Variants in DYNC2I2 observed in about 807,000 individuals in gnomAD.
The protein encoded by DYNC2I2 is dynein 2 intermediate chain 2, also known as cytoplasmic dynein 2 intermediate chain 2.
DYNC2I2 carries 39 observed loss-of-function variants against 52.0 expected under a neutral mutation model. The ratio of observed to expected loss-of-function variants is 0.75; its 90% CI spans 0.58 to 0.98. DYNC2I2 has a LOEUF of 0.98. DYNC2I2 is among the 50% of genes least tolerant of loss of function. The pLI, the probability that DYNC2I2 is intolerant of heterozygous loss-of-function variation, is 0.00. For synonymous variants in DYNC2I2, 359 were observed against 321.1 expected, an observed-to-expected ratio of 1.12 and a Z score of -1.26; for missense variants, 743 against 728.4, an observed-to-expected ratio of 1.02 and a Z score of -0.23.
chr9:128,674,742 CA>C, the DYNC2I2 span, among the ~76,000 whole-genome samples: 1 of 151,540 alleles, frequency 6.6e-6, no homozygotes, highest in African/African-American at 2.4e-5. Context: ...GACTCCGTCT[CA>C]AAAAAAATAA....
At chr9:128,671,997 G>A in the DYNC2I2 span, among the ~76,000 whole-genome samples, 2 of 142,748 alleles carry the variant, frequency 1.4e-5, no homozygotes, top group African/African-American at 2.6e-5. Context: ...TTATTGAGAC[G>A]GAGTCTCGCT....
chr9:128,682,206 G>A, the DYNC2I2 span, among the ~76,000 whole-genome samples: 57 of 151,706 alleles, frequency 3.8e-4, 1 homozygote, highest in African/African-American at 1.3e-3. Context: ...CTGCAACCAC[G>A]CCCGGCTAAT....
At chr9:128,644,557 G>C (rs939018892) in intron 1 of DYNC2I2, among the ~76,000 whole-genome samples, 2 of 152,218 alleles carry the variant, frequency 1.3e-5, no homozygotes, top group South Asian at 4.1e-4. Flanking sequence ...GGGATTACAG[G>C]CGTGAGCCAC....
chr9:128,645,888 T>C (rs1235696579), intron 1 of DYNC2I2, among the ~76,000 whole-genome samples: 1 of 152,224 alleles, frequency 6.6e-6, no homozygotes, highest in East Asian at 1.9e-4. Flanking sequence ...AAACAGCTTA[T>C]TGCTGATAGG....
chr9:128,654,585 T>A (rs887023818), intron 1 of DYNC2I2, among the ~76,000 whole-genome samples: 2 of 151,720 alleles, frequency 1.3e-5, no homozygotes, highest in African/African-American at 2.4e-5. Context: ...AAAGTTAGGG[T>A]CTCATTCTGT....
chr9:128,648,689 A>G (rs1283730561), intron 1 of DYNC2I2, among the ~76,000 whole-genome samples: 1 of 151,718 alleles, frequency 6.6e-6, no homozygotes, highest in East Asian at 1.9e-4. Flanking sequence ...AATCACTGCT[A>G]CTAGGGTGGC....
At chr9:128,651,787 C>T (rs193135142) in intron 1 of DYNC2I2, among the ~76,000 whole-genome samples, 32 of 149,290 alleles carry the variant, frequency 2.1e-4, no homozygotes, top group Admixed American at 2.1e-3. Flanking sequence ...TGGTGGCAGG[C>T]GCCTGTAATC....
rs145333047 is a variant in DYNC2I2 at position 128,649,961 on chromosome 9, C to G, written c.186+6580G>C. 6.4e-4 allele frequency among the ~76,000 whole-genome samples: 36 copies of G among 56,510 alleles called. 11 individuals carry two copies. Among genetic ancestry groups the G allele is most frequent in the African/African-American group, 1.2e-3 (34 of 28,462 alleles). The allele number at this position is 56,510 out of a possible 152,430, so 37.1% of individuals were successfully genotyped here. A position where few individuals can be genotyped will look rare whatever the true frequency, so the allele number is the denominator to read the frequency against. On this transcript the variant is annotated intron_variant, in intron 1 of 8. Transcript: ENST00000372715. ...TGAGCTGAGATCGCGCCATTGCACTCCAGCCTGGGTGGCAGAGCGAGACTC... is the reference window on the plus strand; with the variant it reads ...TGAGCTGAGATCGCGCCATTGCACTGCAGCCTGGGTGGCAGAGCGAGACTC...
the DYNC2I2 span, among the ~76,000 whole-genome samples, chr9:128,680,506 T>C: frequency 2.0e-5 from 3 of 151,016 alleles, no homozygotes; most frequent in Non-Finnish European, 4.4e-5. Flanking sequence ...GCCTCCAGAG[T>C]AGCTGGGACT....
the DYNC2I2 span, among the ~76,000 whole-genome samples, chr9:128,664,511 G>C: frequency 6.6e-6 from 1 of 150,844 alleles, no homozygotes; most frequent in Non-Finnish European, 1.5e-5. Flanking sequence ...TTTAGACAGA[G>C]TCTTGCTCTG....
At chr9:128,681,382 C>T in the DYNC2I2 span, among the ~76,000 whole-genome samples, 7 of 152,238 alleles carry the variant, frequency 4.6e-5, no homozygotes, top group African/African-American at 1.4e-4. Flanking sequence ...TGAGCCACCT[C>T]GTCTGGCCCA....
upstream of DYNC2I2, among the ~76,000 whole-genome samples, chr9:128,657,876 G>A (rs1860862294): frequency 6.6e-6 from 1 of 152,126 alleles, no homozygotes; most frequent in South Asian, 2.1e-4. Flanking sequence ...GATCACTTGA[G>A]CCCAGGAGTT....
intron 1 of DYNC2I2, among the ~76,000 whole-genome samples, chr9:128,648,850 G>A (rs1860671092): frequency 6.6e-6 from 1 of 151,326 alleles, no homozygotes; most frequent in African/African-American, 2.4e-5. Flanking sequence ...GCTACAGCCA[G>A]TCCAGAAGAG....
upstream of DYNC2I2, among the ~76,000 whole-genome samples, chr9:128,658,721 A>ATTTTTT (rs746310535): frequency 5.5e-5 from 5 of 91,552 alleles, no homozygotes; most frequent in Non-Finnish European, 1.0e-4. Flanking sequence ...ACCTGACCTA[A>ATTTTTT]TTTTTTTTTT....
rs773197656 is a variant in DYNC2I2, at chr9:128,634,792, G to C, written c.1111C>G (p.Leu371Val). The C allele has an allele frequency of 1.9e-6, 3 of 1,611,964 alleles. No homozygotes were observed. In the African/African-American group the frequency reaches 4.0e-5, roughly 22 times the overall value. ...KCSLAAGEAALTRMPSSVPLR... is the reference protein window; with the variant it reads ...KCSLAAGEAAVTRMPSSVPLR... ...GGCACGGAGCTGGGCATCCGCGTGA[G>C]GGCTGCCTCTCCAGCTGCCAGGGAA... The change falls in exon 7 of 9, where the codon CTC becomes GTC. Residue 371 changes from leucine to valine, a missense_variant. Coordinates refer to ENST00000372715, the MANE Select transcript of DYNC2I2 (RefSeq NM_052844.4).
rs760786107 is a variant in DYNC2I2, at chr9:128,640,733, C to A, written c.393G>T (p.Ala131=). The A allele has an allele frequency of 6.2e-7, 1 of 1,614,084 alleles. No homozygotes were observed. Among genetic ancestry groups the A allele is most frequent in the Non-Finnish European group, 8.5e-7 (1 of 1,180,038 alleles). ...RELNKNWQSH[A]FDGFEVNWTE... The stretch of plus-strand genomic sequence containing the variant: ...TCCAGTTCACCTCGAAGCCATCAAA[C>A]GCGTGGCTCTGCCAATTCTTGTTCA... Residue 131 remains alanine (A), a synonymous_variant, in exon 2 of 9, where the codon GCG becomes GCT. Coordinates refer to ENST00000372715, the MANE Select transcript of DYNC2I2 (RefSeq NM_052844.4).
At position 128,635,107 on chromosome 9, in the gene DYNC2I2, G is replaced by A. The variant is rs755248613; in HGVS notation, c.966C>T (p.Ser322=). ...GCCCACGTACCTTCTTGAGCTTGGT[G>A]CTCCGTGGCAGCTGCTGCATGACCA... ...FALVMQQLPR[S]TKLKKHPRGE... is the part of the protein sequence containing the mutation. Residue 322 remains serine (S), a synonymous_variant, in exon 6 of 9, where the codon AGC becomes AGT. Coordinates refer to ENST00000372715, the MANE Select transcript of DYNC2I2 (RefSeq NM_052844.4). 13 of 1,612,122 alleles carry A rather than the reference G, an allele frequency of 8.1e-6. No homozygotes were observed. The highest frequency in any genetic ancestry group is 1.7e-5 in the Admixed American group (1 of 59,922).
At chr9:128,641,666 G>C (rs1860516290) in intron 1 of DYNC2I2, among the ~76,000 whole-genome samples, 1 of 152,088 alleles carries the variant, frequency 6.6e-6, no homozygotes, top group African/African-American at 2.4e-5. Flanking sequence ...GCTCTCCTCG[G>C]GTGGCTGCTC....
chr9:128,670,155 G>A, the DYNC2I2 span, among the ~76,000 whole-genome samples: 1 of 151,800 alleles, frequency 6.6e-6, no homozygotes, highest in Admixed American at 6.6e-5. Flanking sequence ...AAAAAAAAAA[G>A]GCTGGACACC....
Sources: gnomAD v4.1 joint callset for allele counts (sites outside exome capture counted in the v4.1 genomes callset) on GRCh38, gnomAD v4.1.1 for gene constraint, MANE v1.5 for transcripts, NCBI Gene and HGNC (gene_info 2026-07-23, HGNC 2026-07-21) for gene names.